The following TULP3 variants were observed in gnomAD, a reference collection of about 807,000 sequenced individuals.
The protein encoded by TULP3 is TUB like protein 3.
TULP3 carries 38 observed loss-of-function variants against 50.7 expected under a neutral mutation model. That is an observed-to-expected ratio of 0.75 (90% CI 0.58 to 0.98). The LOEUF (loss-of-function observed/expected upper bound fraction) is 0.98, where lower values mean the gene tolerates loss of function less well. Ranked by LOEUF, TULP3 falls within the 50% of genes least tolerant of loss-of-function variation. TULP3 has a pLI of 0.00. For synonymous variants in TULP3, 183 were observed against 196.6 expected, an observed-to-expected ratio of 0.93 and a Z score of 0.58; for missense variants, 550 against 568.0, an observed-to-expected ratio of 0.97 and a Z score of 0.32.
chr12:2,921,300 C>T (rs1254642281), intron 3 of TULP3, among the ~76,000 whole-genome samples: 5 of 152,026 alleles, frequency 3.3e-5, no homozygotes, highest in African/African-American at 7.2e-5. Flanking sequence ...CCACCATGCC[C>T]GGCTAATTTT....
intron 10 of TULP3, among the ~76,000 whole-genome samples, chr12:2,938,711 A>T (rs1050722174): frequency 3.3e-5 from 5 of 150,746 alleles, no homozygotes; most frequent in Admixed American, 3.3e-4. Context: ...TTGAGCCAGG[A>T]GGTCGAGGCT....
At chr12:2,894,561 AC>A (rs2153947372) in intron 1 of TULP3, among the ~76,000 whole-genome samples, 1 of 151,638 alleles carries the variant, frequency 6.6e-6, no homozygotes, top group East Asian at 1.9e-4. Flanking sequence ...ACACACACAC[AC>A]ACACGCACGC....
intron 2 of TULP3, among the ~76,000 whole-genome samples, chr12:2,914,287 G>C (rs777134966): frequency 8.6e-5 from 13 of 151,930 alleles, no homozygotes; most frequent in Non-Finnish European, 1.5e-4. Context: ...ACCACGCCCA[G>C]CTAATTTTGT....
intron 4 of TULP3, among the ~76,000 whole-genome samples, chr12:2,927,987 A>G (rs1023453433): frequency 6.6e-6 from 1 of 152,180 alleles, no homozygotes; most frequent in Non-Finnish European, 1.5e-5. Context: ...TCACTCTTTC[A>G]TAACACACAT....
In TULP3 at chr12:2,920,837, G is replaced by A. The variant is rs369808122; in HGVS notation, c.168G>A (p.Arg56=). 5.0e-6 allele frequency: 8 copies of A among 1,613,984 alleles called. No individual in the cohort carries two copies. The highest frequency in any genetic ancestry group is 4.4e-5 in the South Asian group (4 of 91,082). The part of the protein sequence containing the change: ...PFMVQPNPEA[R]LRRAKPRASD... ...TGGTGCAGCCCAATCCAGAAGCCAG[G>A]CTACGTCGGGCAAAGCCAAGGGCCA... Residue 56 remains arginine, a synonymous_variant, in exon 3 of 11, where the codon AGG becomes AGA. Transcript: ENST00000448120.
intron 1 of TULP3, among the ~76,000 whole-genome samples, chr12:2,894,754 TATG>T (rs1487150504): frequency 1.3e-5 from 2 of 151,572 alleles, no homozygotes; most frequent in Non-Finnish European, 2.9e-5. Flanking sequence ...ATTAGCCAGT[TATG>T]GTGGTGTGTG....
Position 2,940,202 on chromosome 12 carries a change from T to C in TULP3, c.*758T>C. On this transcript the variant is annotated 3_prime_UTR_variant, in exon 11 of 11. Coordinates refer to ENST00000448120, the MANE Select transcript of TULP3 (RefSeq NM_003324.5). ...CCTTCATTTTCAACCCAGGAGTGCCTCTCACAGCTATATGACTACGGATCC... is the reference window on the plus strand; with the variant it reads ...CCTTCATTTTCAACCCAGGAGTGCCCCTCACAGCTATATGACTACGGATCC... The C allele has an allele frequency of 7.5e-7, 1 of 1,327,506 alleles. No individual in the cohort carries two copies. Among genetic ancestry groups the C allele is most frequent in the Non-Finnish European group, 9.9e-7 (1 of 1,014,974 alleles). 82.2% of individuals were successfully genotyped at this position (1,327,506 alleles called of 1,614,324 possible).
At chr12:2,932,945 T>TA (rs1240112372) in intron 6 of TULP3, among the ~76,000 whole-genome samples, 17 of 151,382 alleles carry the variant, frequency 1.1e-4, no homozygotes, top group Admixed American at 3.3e-4. Context: ...TTATTTTTAT[T>TA]TTTTATTTTT....
At chr12:2,915,841 G>T (rs2098188341) in intron 2 of TULP3, among the ~76,000 whole-genome samples, 1 of 150,532 alleles carries the variant, frequency 6.6e-6, no homozygotes, top group Non-Finnish European at 1.5e-5. Context: ...ACCGTGCCCG[G>T]CCGAGATTTT....
intron 1 of TULP3, among the ~76,000 whole-genome samples, chr12:2,893,204 C>A (rs1188785436): frequency 6.6e-6 from 1 of 152,042 alleles, no homozygotes; most frequent in South Asian, 2.1e-4. Flanking sequence ...GTGTGAGTCA[C>A]CAAATGTTTC....
chr12:2,922,009 G>A (rs1463744790), intron 3 of TULP3, among the ~76,000 whole-genome samples: 1 of 152,166 alleles, frequency 6.6e-6, no homozygotes, highest in Non-Finnish European at 1.5e-5. Context: ...TTTGAGCCTA[G>A]GAAGTCGAGG....
At chr12:2,929,204 C>T (rs888741597) in intron 4 of TULP3, among the ~76,000 whole-genome samples, 1 of 152,006 alleles carries the variant, frequency 6.6e-6, no homozygotes, top group Non-Finnish European at 1.5e-5. Context: ...GTAGTCCCAG[C>T]TACTTGGGAG....
intron 1 of TULP3, among the ~76,000 whole-genome samples, chr12:2,906,198 T>G (rs925987369): frequency 6.6e-6 from 1 of 150,614 alleles, no homozygotes; most frequent in Admixed American, 6.6e-5. Flanking sequence ...ACCCGGCTAA[T>G]TTTTTGTATT....
chr12:2,931,196 T>C lies in TULP3; in HGVS notation c.652T>C (p.Phe218Leu), dbSNP rs775494294. The change falls in exon 6 of 11, where the codon TTC (phenylalanine) becomes CTC (leucine). Residue 218 changes from phenylalanine (F) to leucine (L), a missense_variant. Phe to Leu is a conservative substitution (Grantham distance 22). Transcript: ENST00000448120. Reference protein sequence around the residue: ...RDKRGMDRGLFPTYYMYLEKE... With the variant: ...RDKRGMDRGLLPTYYMYLEKE... ...TAAAAGGGGAATGGATCGGGGTCTC[T>C]TCCCCACCTACTATATGTACTTGGA... 8.7e-6 allele frequency: 14 copies of C among 1,614,110 alleles called. No homozygotes were observed.
At chr12:2,899,992 G>A (rs34602918) in intron 1 of TULP3, among the ~76,000 whole-genome samples, 71,146 of 149,804 alleles carry the variant, frequency 0.47, 17,398 homozygotes, top group African/African-American at 0.59. Flanking sequence ...AGGCAGGCGC[G>A]TCACCTGAGA....
At chr12:2,902,216 A>G (rs980409697) in intron 1 of TULP3, among the ~76,000 whole-genome samples, 2 of 152,202 alleles carry the variant, frequency 1.3e-5, no homozygotes, top group Non-Finnish European at 2.9e-5. Flanking sequence ...GCACACTGGC[A>G]CTTGTTGCAT....
chr12:2,940,650 T>A lies in TULP3; in HGVS notation c.*1206T>A, dbSNP rs373498429. The A allele has an allele frequency of 6.4e-6, 10 of 1,551,722 alleles. No individual in the cohort carries two copies. Among genetic ancestry groups the A allele is most frequent in the Admixed American group, 2.0e-5 (1 of 51,004 alleles). On this transcript the variant is annotated 3_prime_UTR_variant, in exon 11 of 11. Coordinates refer to ENST00000448120, the MANE Select transcript of TULP3 (RefSeq NM_003324.5). ...TGGGTGGGACACCCGTGGCGGCTGCTCCCTCAGACCTCCCTTCTGTGGACT... is the reference window on the plus strand; with the variant it reads ...TGGGTGGGACACCCGTGGCGGCTGCACCCTCAGACCTCCCTTCTGTGGACT...
chr12:2,938,337 G>A (rs765228618), intron 10 of TULP3, 52 bp downstream of exon 10: 1 of 1,570,920 alleles, frequency 6.4e-7, no homozygotes, highest in African/African-American at 1.4e-5. Context: ...TGCTCTTACA[G>A]GATGGGAATG....
chr12:2,903,852 C>T (rs10848728), intron 1 of TULP3, among the ~76,000 whole-genome samples: 72,484 of 151,668 alleles, frequency 0.48, 17,779 homozygotes, highest in African/African-American at 0.6. Flanking sequence ...GGCACGATCT[C>T]GGCTCACTGC....
Sources: allele counts gnomAD v4.1 joint callset (sites outside exome capture counted in the v4.1 genomes callset), GRCh38; gene constraint gnomAD v4.1.1; transcripts MANE v1.5; gene names NCBI Gene and HGNC (gene_info 2026-07-23, HGNC 2026-07-21).